The following TMEM131 variants were observed in gnomAD, a reference collection of about 807,000 sequenced individuals.
The protein encoded by TMEM131 is transmembrane protein 131, also known as 2610524E03Rik.
Under a neutral mutation model 211.6 loss-of-function variants are expected in TMEM131, and 66 were observed. The observed-to-expected ratio is 0.31, with a 90% CI of 0.26 to 0.38. The LOEUF is 0.38. Ranked by LOEUF, TMEM131 falls within the 10% of genes least tolerant of loss-of-function variation. The pLI is 1.00. For missense variants in TMEM131, 2,036 were observed against 2,299.3 expected (o/e 0.89, Z 2.34); for synonymous variants, 844 against 841.3 (o/e 1.00, Z -0.06).
chr2:97,880,632 A>C (rs772427444), intron 4 of TMEM131, among the ~76,000 whole-genome samples: 9 of 152,144 alleles, frequency 5.9e-5, no homozygotes, highest in Non-Finnish European at 1.2e-4. Flanking sequence ...GGTACCGTTC[A>C]TGGACTGGAG....
chr2:97,886,192 G>C (rs1217120433), intron 4 of TMEM131, among the ~76,000 whole-genome samples: 1 of 152,072 alleles, frequency 6.6e-6, no homozygotes, highest in Non-Finnish European at 1.5e-5. Context: ...TTGCTGAACT[G>C]TAAGTTTTCC....
Position 97,841,796 on chromosome 2 carries a change from A to ATTATG in TMEM131, c.723+18_723+19insCATAA. On this transcript the variant is annotated intron_variant, in intron 7 of 40. Transcript: ENST00000186436. ...CCCACCAAAATGAAGCTTATTCAAA[A>ATTATG]TTACCATCATAAACTCACCTGTAAA... 2 of 1,550,014 alleles carry ATTATG rather than the reference A, an allele frequency of 1.3e-6. No homozygotes were observed. The highest frequency in any genetic ancestry group is 1.7e-6 in the Non-Finnish European group (2 of 1,147,722).
chr2:97,804,377 G>T (rs1004881676), intron 22 of TMEM131, among the ~76,000 whole-genome samples: 1 of 152,016 alleles, frequency 6.6e-6, no homozygotes, highest in South Asian at 2.1e-4. Context: ...AGAAAGGAAG[G>T]GGGTGGGCTG....
chr2:97,993,562 G>A (rs1680352424), intron 1 of TMEM131, among the ~76,000 whole-genome samples: 1 of 152,166 alleles, frequency 6.6e-6, no homozygotes, highest in East Asian at 1.9e-4. Context: ...TTCTATATCA[G>A]CATCATCTCC....
At chr2:97,797,768 G>C (rs1197835838) in intron 25 of TMEM131, among the ~76,000 whole-genome samples, 2 of 152,230 alleles carry the variant, frequency 1.3e-5, no homozygotes, top group Non-Finnish European at 2.9e-5. Flanking sequence ...CTCAATGTTT[G>C]CACAAGGCAT....
chr2:97,995,354 C>T (rs956328271), intron 1 of TMEM131, 122 bp downstream of exon 1: 50 of 1,037,600 alleles, frequency 4.8e-5, no homozygotes, highest in Non-Finnish European at 6.0e-5. Context: ...CGGGACGGTA[C>T]CCGACCGCCC....
At chr2:97,956,357 T>A (rs1678566587) in intron 1 of TMEM131, among the ~76,000 whole-genome samples, 1 of 152,226 alleles carries the variant, frequency 6.6e-6, no homozygotes, top group Admixed American at 6.5e-5. Flanking sequence ...AATGGAAATG[T>A]GAAATAGTTA....
chr2:97,845,759 C>A (rs1376300737), intron 5 of TMEM131, among the ~76,000 whole-genome samples: 44 of 122,120 alleles, frequency 3.6e-4, no homozygotes, highest in East Asian at 1.0e-3. Flanking sequence ...CAGAAAGTAG[C>A]AAAAAAAAAA....
At chr2:97,799,669 A>C (rs10188713) in intron 25 of TMEM131, among the ~76,000 whole-genome samples, 52,627 of 152,122 alleles carry the variant, frequency 0.35, 10,033 homozygotes, top group Middle Eastern at 0.49. Flanking sequence ...TAGATTAGCG[A>C]GGATGATTCA....
At chr2:97,848,001 A>C (rs1349140841) in intron 5 of TMEM131, among the ~76,000 whole-genome samples, 1 of 152,222 alleles carries the variant, frequency 6.6e-6, no homozygotes, top group Non-Finnish European at 1.5e-5. Flanking sequence ...CTGAAAGAGA[A>C]AATCAAAATT....
intron 3 of TMEM131, among the ~76,000 whole-genome samples, chr2:97,896,584 T>C (rs900198470): frequency 1.9e-4 from 29 of 152,200 alleles, no homozygotes; most frequent in Admixed American, 2.0e-4. Flanking sequence ...TTAGCTCTTC[T>C]TGTTGCATTG....
intron 3 of TMEM131, among the ~76,000 whole-genome samples, chr2:97,896,455 G>A (rs938108929): frequency 1.3e-5 from 2 of 152,120 alleles, no homozygotes; most frequent in Non-Finnish European, 2.9e-5. Flanking sequence ...AATATTGGCA[G>A]TGGATGTTAA....
At chr2:97,952,365 G>C (rs1415194625) in intron 1 of TMEM131, among the ~76,000 whole-genome samples, 1 of 152,020 alleles carries the variant, frequency 6.6e-6, no homozygotes. Flanking sequence ...CTTACAGAGC[G>C]AATTCCAGAT....
chr2:97,931,996 T>G (rs567590158), intron 1 of TMEM131, among the ~76,000 whole-genome samples: 1 of 152,160 alleles, frequency 6.6e-6, no homozygotes, highest in South Asian at 2.1e-4. Flanking sequence ...CAATAATCTG[T>G]GCCTAGAAGC....
At chr2:97,842,563 G>C (rs933081253) in intron 6 of TMEM131, among the ~76,000 whole-genome samples, 4 of 152,244 alleles carry the variant, frequency 2.6e-5, no homozygotes, top group Admixed American at 2.6e-4. Context: ...GACAGTGTTG[G>C]GGGAGAGTGG....
rs1484573802 is a variant in TMEM131 at position 97,886,970 on chromosome 2, T to C, written c.359+1082A>G. ...CTGCTCAGCTGAACTGGGAGTTATG[T>C]TTGCCAGGGATGGCCCGCAGGGCTG... is the stretch of plus-strand genomic sequence containing the variant. On this transcript the variant is annotated intron_variant, in intron 4 of 40. Coordinates refer to ENST00000186436, the MANE Select transcript of TMEM131 (RefSeq NM_015348.2). Among the ~76,000 whole-genome samples the C allele has an allele frequency of 2.0e-5, 3 of 152,224 alleles. No individual in the cohort carries two copies. In the East Asian group the frequency reaches 5.8e-4, roughly 29 times the overall value.
chr2:97,949,326 G>C (rs1284719817), intron 1 of TMEM131, among the ~76,000 whole-genome samples: 1 of 152,106 alleles, frequency 6.6e-6, no homozygotes, highest in Non-Finnish European at 1.5e-5. Context: ...CTAAGTGACA[G>C]AAAGCAGAAG....
chr2:97,976,976 A>G (rs1300514759), intron 1 of TMEM131, among the ~76,000 whole-genome samples: 2 of 151,676 alleles, frequency 1.3e-5, no homozygotes, highest in African/African-American at 4.8e-5. Context: ...AAAAAAAAAA[A>G]AAGAACTTGG....
intron 4 of TMEM131, among the ~76,000 whole-genome samples, chr2:97,870,782 A>T (rs1292772384): frequency 6.6e-6 from 1 of 152,224 alleles, no homozygotes; most frequent in Non-Finnish European, 1.5e-5. Context: ...AGTCGGGTCA[A>T]ATCAATATGC....
Sources: gnomAD v4.1 joint callset for allele counts (sites outside exome capture counted in the v4.1 genomes callset) on GRCh38, gnomAD v4.1.1 for gene constraint, MANE v1.5 for transcripts, NCBI Gene and HGNC (gene_info 2026-07-23, HGNC 2026-07-21) for gene names.